AKT1S1: variants seen among roughly 807,000 people sequenced by gnomAD.
AKT1S1 encodes the protein AKT1 substrate 1, also known as proline-rich AKT1 substrate 1.
Under a neutral mutation model 21.2 loss-of-function variants are expected in AKT1S1, and 17 were observed. The ratio of observed to expected loss-of-function variants is 0.80; its 90% CI spans 0.55 to 1.20. The LOEUF (loss-of-function observed/expected upper bound fraction) is 1.20, where lower values mean the gene tolerates loss of function less well. Ranked by LOEUF, AKT1S1 falls within the 50% of genes most tolerant of loss-of-function variation. The pLI, the probability that AKT1S1 is intolerant of heterozygous loss-of-function variation, is 0.00. For missense variants in AKT1S1, 366 were observed against 368.3 expected (o/e 0.99, Z 0.05); for synonymous variants, 181 against 165.6 (o/e 1.09, Z -0.72).
chr19:49,876,379 G>A lies in AKT1S1; in HGVS notation c.-8+858C>T, dbSNP rs1474132122. ...CCCAGGTAGAGATCCCAGGCGCTCT[G>A]GAACCGCAAGGTGAGACTGTCTACG... On this transcript the variant is annotated intron_variant, in intron 1 of 4. Coordinates refer to ENST00000344175, the MANE Select transcript of AKT1S1 (RefSeq NM_001098633.4). 51 of 1,148,176 alleles carry A rather than the reference G, an allele frequency of 4.4e-5. No homozygotes were observed. In the Admixed American group the frequency reaches 2.0e-3, roughly 45 times the overall value. 71.1% of individuals were successfully genotyped at this position (1,148,176 alleles called of 1,614,324 possible).
chr19:49,878,181 C>A (rs760037815), upstream of AKT1S1: 1 of 1,576,408 alleles, frequency 6.3e-7, no homozygotes, highest in African/African-American at 1.4e-5. Flanking sequence ...TGCACACCAG[C>A]GCTAAGAAGT....
intron 1 of AKT1S1, chr19:49,876,182 C>T (rs1423314541): frequency 4.9e-6 from 5 of 1,011,144 alleles, no homozygotes; most frequent in Non-Finnish European, 5.9e-6. Flanking sequence ...CGCTCAGCTG[C>T]CCCGAGACCT....
At position 49,869,727 on chromosome 19, in the gene AKT1S1, G is replaced by A. The variant is rs913480218; in HGVS notation, c.*190C>T. 2.5e-5 allele frequency: 15 copies of A among 589,140 alleles called. No homozygotes were observed. The highest frequency in any genetic ancestry group is 4.1e-5 in the Non-Finnish European group (15 of 369,910). The allele number at this position is 589,140 out of a possible 1,614,324, so 36.5% of individuals were successfully genotyped here. On this transcript the variant is annotated 3_prime_UTR_variant, in exon 5 of 5. Coordinates refer to ENST00000344175, the MANE Select transcript of AKT1S1 (RefSeq NM_001098633.4). ...GACCCAATCGGGAAACGGGACAGAT[G>A]CCGCTCCTCGGCGCGGCAGGTCGTG...
In AKT1S1 at chr19:49,873,057, G is replaced by A. The variant is rs2074902461; in HGVS notation, c.239C>T (p.Pro80Leu). 6.4e-7 allele frequency: 1 copy of A among 1,556,680 alleles called. No homozygotes were observed. The highest frequency in any genetic ancestry group is 1.2e-5 in the South Asian group (1 of 84,608). The change falls in exon 2 of 5, where the codon CCC becomes CTC. Residue 80 changes from proline (P) to leucine (L), a missense_variant. Physicochemically the swap from Pro to Leu is moderately conservative, Grantham distance 98 (BLOSUM62 -3). Coordinates refer to ENST00000344175, the MANE Select transcript of AKT1S1 (RefSeq NM_001098633.4). The surrounding 1 kb of genome is among the most constrained non-coding windows in gnomAD (Gnocchi z 6.9). ...RAATAARPPA[P>L]PPAPQPPSPT... ...ACTGGGTGGCTGTGGTGCTGGTGGG[G>A]GCGCAGGAGGCCGAGCAGCAGTGGC...
Position 49,873,908 on chromosome 19 carries a change from G to GA in AKT1S1, c.-7-607dup, listed in dbSNP as rs946816086. The GA allele has an allele frequency of 2.0e-5, 3 of 152,146 alleles. No individual in the cohort carries two copies. Among genetic ancestry groups the GA allele is most frequent in the African/African-American group, 7.2e-5 (3 of 41,416 alleles). The allele number at this position is 152,146 out of a possible 1,614,324, so 9.4% of individuals were successfully genotyped here. On this transcript the variant is annotated intron_variant, in intron 1 of 4. Transcript: ENST00000344175. The surrounding 1 kb of genome is among the most constrained non-coding windows in gnomAD (Gnocchi z 6.9). ...GGGGCTTGTGTTGAATTTGATGGAT[G>GA]ATGCCACCCTGCTCCGTCGCCCAGC...
Position 49,870,058 on chromosome 19 carries a change from G to C in AKT1S1, c.630C>G (p.Pro210=). 1 of 1,528,304 alleles carries C rather than the reference G, an allele frequency of 6.5e-7. No homozygotes were observed. Among genetic ancestry groups the C allele is most frequent in the Non-Finnish European group, 8.8e-7 (1 of 1,134,138 alleles). The allele number at this position is 1,528,304 out of a possible 1,614,324, so 94.7% of individuals were successfully genotyped here. Residue 210 remains proline (P), a splice_region_variant and synonymous_variant, in exon 5 of 5, where the codon CCC becomes CCG. Transcript: ENST00000344175. ...CGATGCGGTCCAGGTCGGGCGAAGAGGGCTGCGGGGACGGCGACGGGGCGA... is the reference window on the plus strand; with the variant it reads ...CGATGCGGTCCAGGTCGGGCGAAGACGGCTGCGGGGACGGCGACGGGGCGA... ...ARSSDEENGP[P]SSPDLDRIAA...
At chr19:49,870,862 G>A (rs971448435) in intron 4 of AKT1S1, among the ~76,000 whole-genome samples, 8 of 152,212 alleles carry the variant, frequency 5.3e-5, no homozygotes, top group Non-Finnish European at 4.4e-5. Context: ...AGTGCTCACT[G>A]CTTCATTGAG....
In AKT1S1 at chr19:49,873,118, G is replaced by C. The variant is rs372336886; in HGVS notation, c.178C>G (p.Arg60Gly). 6 of 1,543,108 alleles carry C rather than the reference G, an allele frequency of 3.9e-6. No homozygotes were observed. Among genetic ancestry groups the C allele is most frequent in the East Asian group, 2.4e-5 (1 of 41,216 alleles). Residue 60 changes from arginine (R) to glycine (G), a missense_variant, in exon 2 of 5, where the codon CGT becomes GGT. By Grantham distance (125) the Arg-to-Gly change is moderately radical. Transcript: ENST00000344175. The surrounding 1 kb of genome is among the most constrained non-coding windows in gnomAD (Gnocchi z 6.9). The stretch of plus-strand genomic sequence containing the variant: ...GCCAGTGCGATGTCGTGGAGGCAAC[G>C]GCGCGCTGCCTCCGCCAGGGCTCCT... ...GRGALAEAAR[R>G]CLHDIALAHR...
upstream of AKT1S1, chr19:49,877,887 C>T (rs539931627): frequency 0.011 from 11,132 of 1,044,636 alleles, 88 homozygotes; most frequent in Middle Eastern, 0.038. Context: ...CCGTCACCCT[C>T]CCGTCCACCG....
intron 1 of AKT1S1, among the ~76,000 whole-genome samples, chr19:49,875,548 A>G (rs2074929984): frequency 6.6e-6 from 1 of 152,214 alleles, no homozygotes; most frequent in Non-Finnish European, 1.5e-5. Flanking sequence ...TAAGCAAGAA[A>G]TGGCTGGTCC....
intron 1 of AKT1S1, among the ~76,000 whole-genome samples, chr19:49,876,413 C>A (rs1336432373): frequency 1.3e-5 from 2 of 152,236 alleles, no homozygotes; most frequent in African/African-American, 2.4e-5. Flanking sequence ...CGATTTGCCT[C>A]AGGTCTGACA....
intron 2 of AKT1S1, among the ~76,000 whole-genome samples, chr19:49,872,150 G>A (rs970978617): frequency 9.9e-5 from 15 of 152,150 alleles, no homozygotes; most frequent in African/African-American, 3.1e-4. Context: ...CGATCTGTTC[G>A]GGACAATGTG....
chr19:49,873,470 C>A lies in AKT1S1; in HGVS notation c.-7-168G>T. ...ACCTGCTACTCCCCAGGATTCTCAC[C>A]ATCCAGTCCTCGCAGGCCCAGACCC... On this transcript the variant is annotated intron_variant, in intron 1 of 4. Transcript: ENST00000344175. The surrounding 1 kb of genome is among the most constrained non-coding windows in gnomAD (Gnocchi z 6.9). The A allele has an allele frequency of 7.9e-7, 1 of 1,262,200 alleles. No homozygotes were observed. The highest frequency in any genetic ancestry group is 1.0e-6 in the Non-Finnish European group (1 of 977,462). 78.2% of individuals were successfully genotyped at this position (1,262,200 alleles called of 1,614,324 possible).
chr19:49,877,934 G>T (rs1210324464), upstream of AKT1S1: 1 of 769,294 alleles, frequency 1.3e-6, no homozygotes, highest in Non-Finnish European at 2.0e-6. Flanking sequence ...CGCCCCCCCG[G>T]CTCAGGCGAC....
chr19:49,878,120 C>T (rs1179037373), upstream of AKT1S1: 4 of 1,557,596 alleles, frequency 2.6e-6, no homozygotes, highest in South Asian at 4.7e-5. Context: ...GGCCCCAGCC[C>T]TCGCTGGTTC....
intron 1 of AKT1S1, chr19:49,876,535 A>G: frequency 6.8e-7 from 1 of 1,460,766 alleles, no homozygotes; most frequent in South Asian, 1.4e-5. Context: ...TCGCCCTCCC[A>G]GCGCCCCGCT....
intron 1 of AKT1S1, chr19:49,876,923 ACTT>A (rs1489730184): frequency 1.3e-5 from 5 of 398,368 alleles, no homozygotes; most frequent in African/African-American, 6.2e-5. Context: ...CCCACAATAA[ACTT>A]CTTCGACAAA....
chr19:49,878,068 G>C (rs2074974212), upstream of AKT1S1: 1 of 1,267,672 alleles, frequency 7.9e-7, no homozygotes, highest in Admixed American at 2.2e-5. Flanking sequence ...GCTCCTCCCT[G>C]GGCCCGTCCC....
At chr19:49,876,635 G>C (rs2074949254) in intron 1 of AKT1S1, 1 of 1,529,726 alleles carries the variant, frequency 6.5e-7, no homozygotes, top group South Asian at 1.2e-5. Flanking sequence ...GCCCGGCGCC[G>C]TCACCGCCCT....
Sources: gnomAD v4.1 joint callset for allele counts (sites outside exome capture counted in the v4.1 genomes callset) on GRCh38, gnomAD v4.1.1 for gene constraint, Gnocchi (gnomAD v3.1) non-coding constraint, MANE v1.5 for transcripts, NCBI Gene and HGNC (gene_info 2026-07-23, HGNC 2026-07-21) for gene names.